The following DYSF variants were observed in gnomAD, a reference collection of about 807,000 sequenced individuals.
DYSF encodes dystrophy-associated fer-1-like 1.
In DYSF, 212 loss-of-function variants were observed where a neutral mutation model predicts 274.9. The observed-to-expected ratio is 0.77, with a 90% CI of 0.69 to 0.86. The LOEUF is 0.86. DYSF is among the 40% of genes least tolerant of loss of function. The pLI, the probability that DYSF is intolerant of heterozygous loss-of-function variation, is 0.00. For synonymous variants in DYSF, 1,091 were observed against 1,078.7 expected (o/e 1.01, Z -0.22); for missense variants, 2,666 against 2,783.2 (o/e 0.96, Z 0.95).
chr2:71,468,980 C>T (rs1054308266), intron 1 of DYSF, among the ~76,000 whole-genome samples: 4 of 152,144 alleles, frequency 2.6e-5, no homozygotes, highest in African/African-American at 4.8e-5. Context: ...GGACATGGTC[C>T]GCTCACTTGA....
chr2:71,675,948 A>C (rs1310168948), intron 52 of DYSF, among the ~76,000 whole-genome samples: 1 of 152,090 alleles, frequency 6.6e-6, no homozygotes, highest in Non-Finnish European at 1.5e-5. Flanking sequence ...GATTTTTGAA[A>C]AACCTAATAT....
chr2:71,459,751 C>A (rs970874118), intron 1 of DYSF, among the ~76,000 whole-genome samples: 7 of 152,088 alleles, frequency 4.6e-5, no homozygotes, highest in African/African-American at 1.7e-4. Context: ...TCCTGGAGAC[C>A]TTGGGCCTGG....
At chr2:71,473,022 A>C (rs2082147775) in intron 1 of DYSF, among the ~76,000 whole-genome samples, 1 of 152,068 alleles carries the variant, frequency 6.6e-6, no homozygotes, top group South Asian at 2.1e-4. Context: ...AGTGCATTTC[A>C]CCCTGGCTCC....
At chr2:71,655,027 G>A (rs539586749) in intron 42 of DYSF, among the ~76,000 whole-genome samples, 1 of 152,254 alleles carries the variant, frequency 6.6e-6, no homozygotes, top group East Asian at 1.9e-4. Flanking sequence ...GGAGTTCAAG[G>A]CTGCAGTGAG....
At chr2:71,567,695 G>A (rs895295793) in intron 24 of DYSF, among the ~76,000 whole-genome samples, 12 of 152,092 alleles carry the variant, frequency 7.9e-5, no homozygotes, top group African/African-American at 1.2e-4. Flanking sequence ...TCTGCAGAGC[G>A]CTCCTAGGAG....
chr2:71,679,232 G>A lies in DYSF; in HGVS notation c.6060G>A (p.Leu2020=). Residue 2020 remains leucine, a synonymous_variant, in exon 53 of 56, where the codon CTG becomes CTA. Transcript: ENST00000410020. The part of the protein sequence containing the change: ...CVAEEGEKKI[L]AGKLEMTLEI... ...CAGAAGAGGGTGAGAAGAAAATACT[G>A]GCGGTAAGTCTACTTCCTCCAGCCC... 6.2e-7 allele frequency: 1 copy of A among 1,613,964 alleles called. No individual in the cohort carries two copies. The highest frequency in any genetic ancestry group is 8.5e-7 in the Non-Finnish European group (1 of 1,179,944).
chr2:71,664,018 C>T (rs771429225), intron 45 of DYSF, among the ~76,000 whole-genome samples: 14 of 152,200 alleles, frequency 9.2e-5, no homozygotes, highest in South Asian at 2.1e-4. Context: ...TTCATTCTTT[C>T]GGTCTGTGGT....
intron 43 of DYSF, 99 bp downstream of exon 43, chr2:71,656,389 GT>G (rs1462920146): frequency 1.2e-4 from 188 of 1,560,904 alleles, no homozygotes; most frequent in Non-Finnish European, 1.6e-4. Flanking sequence ...GGTGACCCTG[GT>G]GCTGATGTTG....
chr2:71,636,832 G>A (rs115374686), intron 41 of DYSF, among the ~76,000 whole-genome samples: 2,896 of 152,282 alleles, frequency 0.019, 77 homozygotes, highest in African/African-American at 0.063. Context: ...CAAGAAGGAG[G>A]CAGCAAAGAA....
At chr2:71,513,987 T>A (rs1365153289) in intron 7 of DYSF, 66 bp downstream of exon 7, 1 of 1,573,834 alleles carries the variant, frequency 6.4e-7, no homozygotes, top group Non-Finnish European at 8.7e-7. Context: ...GCCAGGCACC[T>A]GCCTGGTTTG....
At chr2:71,644,899 A>G (rs911175090) in intron 42 of DYSF, among the ~76,000 whole-genome samples, 2 of 152,156 alleles carry the variant, frequency 1.3e-5, no homozygotes, top group African/African-American at 4.8e-5. Context: ...TTCTTTAAAA[A>G]TTATTGGTTA....
intron 41 of DYSF, among the ~76,000 whole-genome samples, chr2:71,637,655 T>TG (rs1425298186): frequency 6.6e-6 from 1 of 151,912 alleles, no homozygotes; most frequent in African/African-American, 2.4e-5. Context: ...CATTTGGTTG[T>TG]GGGGGGCTGA....
rs199608017 is a variant in DYSF, at chr2:71,535,096, C to T, written c.1449+7C>T. The stretch of plus-strand genomic sequence containing the variant: ...CATCACACTGCCTGCCATGGTGAGC[C>T]TCCTGCCCCCAGCAAACCCAAGGAG... On this transcript the variant is annotated splice_region_variant and intron_variant, in intron 15 of 55. Coordinates refer to ENST00000410020, the MANE Select transcript of DYSF (RefSeq NM_001130987.2). 1.6e-5 allele frequency: 26 copies of T among 1,614,110 alleles called. No individual in the cohort carries two copies. The Admixed American group carries it at 3.2e-4, about 20-fold the overall frequency.
intron 40 of DYSF, 126 bp downstream of exon 40, chr2:71,613,536 C>A: frequency 1.1e-6 from 1 of 876,760 alleles, no homozygotes; most frequent in Non-Finnish European, 1.9e-6. Context: ...CTGGGCTCTG[C>A]GGTTGGACAC....
chr2:71,542,377 CTTT>C (rs35710396), intron 17 of DYSF, among the ~76,000 whole-genome samples: 256 of 142,102 alleles, frequency 1.8e-3, no homozygotes, highest in African/African-American at 3.0e-3. Flanking sequence ...GTCAAGCCTT[CTTT>C]TTTTTTTTTT....
At chr2:71,665,893 A>G (rs991052033) in intron 47 of DYSF, among the ~76,000 whole-genome samples, 2 of 152,086 alleles carry the variant, frequency 1.3e-5, no homozygotes, top group African/African-American at 2.4e-5. Context: ...GCAGGCCTGC[A>G]TCACCCACTC....
At chr2:71,477,819 A>G (rs2082515181) in intron 1 of DYSF, among the ~76,000 whole-genome samples, 1 of 152,234 alleles carries the variant, frequency 6.6e-6, no homozygotes, top group African/African-American at 2.4e-5. Flanking sequence ...TTGAGTTTTG[A>G]TGTAGTATCA....
chr2:71,675,679 G>C (rs367755032), intron 52 of DYSF, among the ~76,000 whole-genome samples: 6 of 152,152 alleles, frequency 3.9e-5, no homozygotes, highest in African/African-American at 1.4e-4. Flanking sequence ...CATAATTCCT[G>C]TAGAGGAATT....
chr2:71,668,978 G>C, intron 49 of DYSF, 134 bp from the exon 50 acceptor site: 1 of 1,305,450 alleles, frequency 7.7e-7, no homozygotes, highest in Non-Finnish European at 1.1e-6. Context: ...TTCTCGTTTG[G>C]GCCTGGGCCA....
Sources: allele counts gnomAD v4.1 joint callset (sites outside exome capture counted in the v4.1 genomes callset), GRCh38; gene constraint gnomAD v4.1.1; transcripts MANE v1.5; gene names NCBI Gene and HGNC (gene_info 2026-07-23, HGNC 2026-07-21).